Variants in PAM observed in about 807,000 individuals in gnomAD.
The protein encoded by PAM is peptidylglycine alpha-amidating monooxygenase.
Under a neutral mutation model 122.1 loss-of-function variants are expected in PAM, and 72 were observed. That is an observed-to-expected ratio of 0.59 (90% confidence interval 0.49 to 0.72). The LOEUF (loss-of-function observed/expected upper bound fraction) is 0.72, where lower values mean the gene tolerates loss of function less well. Among genes scored for constraint, PAM ranks in the 30% least tolerant of loss-of-function variants. The pLI is 0.00. For synonymous variants in PAM, 389 were observed against 404.4 expected, an observed-to-expected ratio of 0.96 and a Z score of 0.46; for missense variants, 1,106 against 1,183.7, an observed-to-expected ratio of 0.93 and a Z score of 0.96.
intron 12 of PAM, among the ~76,000 whole-genome samples, chr5:102,956,024 C>A (rs1044567594): frequency 6.6e-6 from 1 of 151,950 alleles, no homozygotes; most frequent in African/African-American, 2.4e-5. Flanking sequence ...ACCTTGACTA[C>A]AAGTCTAATT....
chr5:102,825,939 A>C (rs1773483842), intron 1 of PAM, among the ~76,000 whole-genome samples: 1 of 152,224 alleles, frequency 6.6e-6, no homozygotes, highest in Non-Finnish European at 1.5e-5. Context: ...TGTGCTGTGT[A>C]AAACCTGGGT....
chr5:102,768,189 A>T (rs893667211), intron 1 of PAM, among the ~76,000 whole-genome samples: 1 of 151,930 alleles, frequency 6.6e-6, no homozygotes, highest in Non-Finnish European at 1.5e-5. Flanking sequence ...TCTTTTAAAA[A>T]TTTTTCTAAA....
chr5:102,806,091 G>A (rs1766148824), intron 1 of PAM, among the ~76,000 whole-genome samples: 1 of 152,170 alleles, frequency 6.6e-6, no homozygotes, highest in African/African-American at 2.4e-5. Context: ...CTGTTGGACT[G>A]TTCTTTATGA....
chr5:102,984,594 G>A (rs1771094149), intron 15 of PAM, among the ~76,000 whole-genome samples: 2 of 152,108 alleles, frequency 1.3e-5, no homozygotes, highest in Admixed American at 1.3e-4. Flanking sequence ...GATATATAAA[G>A]GAAATATTAT....
intron 7 of PAM, among the ~76,000 whole-genome samples, chr5:102,940,179 CCCT>C (rs1024471193): frequency 6.6e-6 from 1 of 151,122 alleles, no homozygotes; most frequent in Non-Finnish European, 1.5e-5. Context: ...TATGAAAACA[CCCT>C]CAAGACTATT....
chr5:102,873,284 C>T (rs568632734), intron 3 of PAM: 23 of 152,014 alleles, frequency 1.5e-4, no homozygotes, highest in Non-Finnish European at 2.6e-4. Context: ...TTTCTGTTTC[C>T]CCTCATAGGC....
chr5:102,965,985 T>A (rs1763978086), intron 14 of PAM, among the ~76,000 whole-genome samples: 1 of 152,062 alleles, frequency 6.6e-6, no homozygotes, highest in Non-Finnish European at 1.5e-5. Flanking sequence ...CTGGGCATGG[T>A]AGCTAAAATT....
intron 3 of PAM, among the ~76,000 whole-genome samples, chr5:102,875,015 G>T (rs1255374372): frequency 6.6e-6 from 1 of 151,986 alleles, no homozygotes; most frequent in East Asian, 1.9e-4. Context: ...GTAATTCTGT[G>T]CTGCCAATCT....
At chr5:102,792,724 A>G (rs1478996430) in intron 1 of PAM, among the ~76,000 whole-genome samples, 1 of 152,220 alleles carries the variant, frequency 6.6e-6, no homozygotes, top group African/African-American at 2.4e-5. Context: ...TATCAAGTGA[A>G]GAGTTTGTAA....
Position 103,029,297 on chromosome 5 carries a change from C to G in PAM, c.*232C>G. 2.8e-6 allele frequency: 1 copy of G among 363,036 alleles called. No homozygotes were observed. The highest frequency in any genetic ancestry group is 4.9e-6 in the Non-Finnish European group (1 of 204,048). 22.5% of individuals were successfully genotyped at this position (363,036 alleles called of 1,614,324 possible). ...TTATATGAACATAGACTAGAGAAAC[C>G]GTCCTCTTTTTCCATCATAATTCTA... is the stretch of plus-strand genomic sequence containing the variant. On this transcript the variant is annotated 3_prime_UTR_variant, in exon 26 of 26. Coordinates refer to ENST00000438793, the MANE Select transcript of PAM (RefSeq NM_001177306.2).
At chr5:102,829,247 G>C (rs749575613) in intron 1 of PAM, among the ~76,000 whole-genome samples, 29 of 151,830 alleles carry the variant, frequency 1.9e-4, no homozygotes, top group Non-Finnish European at 3.5e-4. Flanking sequence ...ACGTTAAATG[G>C]TTATAATTAA....
At chr5:102,934,912 A>G (rs1752771402) in intron 7 of PAM, among the ~76,000 whole-genome samples, 1 of 152,206 alleles carries the variant, frequency 6.6e-6, no homozygotes, top group Non-Finnish European at 1.5e-5. Context: ...TTCCAGTATT[A>G]GAACAAAGAA....
intron 18 of PAM, among the ~76,000 whole-genome samples, chr5:103,005,849 G>A (rs1023695317): frequency 6.6e-6 from 1 of 151,996 alleles, no homozygotes; most frequent in Non-Finnish European, 1.5e-5. Flanking sequence ...TAACTACATG[G>A]GCCCTCCCAA....
At chr5:102,918,348 C>A (rs1746181960) in intron 5 of PAM, among the ~76,000 whole-genome samples, 1 of 152,072 alleles carries the variant, frequency 6.6e-6, no homozygotes, top group Non-Finnish European at 1.5e-5. Flanking sequence ...TAATTCAAAG[C>A]ATGACAATTC....
intron 1 of PAM, among the ~76,000 whole-genome samples, chr5:102,836,798 G>T (rs1446506050): frequency 7.3e-5 from 11 of 151,088 alleles, no homozygotes; most frequent in Admixed American, 7.3e-4. Context: ...TGTAGTGAAT[G>T]TGGACAATAA....
At chr5:102,805,550 G>C (rs1765998230) in intron 1 of PAM, among the ~76,000 whole-genome samples, 1 of 152,156 alleles carries the variant, frequency 6.6e-6, no homozygotes, top group Non-Finnish European at 1.5e-5. Context: ...TATTGGGTAG[G>C]TTTTGCCCCT....
intron 4 of PAM, among the ~76,000 whole-genome samples, chr5:102,906,358 C>G (rs1472096102): frequency 6.6e-6 from 1 of 151,620 alleles, no homozygotes; most frequent in Non-Finnish European, 1.5e-5. Context: ...ATGAGTTGGT[C>G]TAGTCAGAGA....
At chr5:103,013,648 G>C (rs1781236826) in intron 21 of PAM, among the ~76,000 whole-genome samples, 2 of 152,120 alleles carry the variant, frequency 1.3e-5, no homozygotes, top group Non-Finnish European at 2.9e-5. Context: ...ATAGAAATTA[G>C]TCTAATACTG....
intron 1 of PAM, among the ~76,000 whole-genome samples, chr5:102,831,152 T>G (rs1775336792): frequency 2.0e-5 from 3 of 152,198 alleles, no homozygotes; most frequent in East Asian, 1.9e-4. Flanking sequence ...CTGGTTCTTT[T>G]GATTTCTAGT....
Sources: gnomAD v4.1 joint callset for allele counts (sites outside exome capture counted in the v4.1 genomes callset) on GRCh38, gnomAD v4.1.1 for gene constraint, MANE v1.5 for transcripts, NCBI Gene and HGNC (gene_info 2026-07-23, HGNC 2026-07-21) for gene names.